Variants in TBC1D1 observed in about 807,000 individuals in gnomAD.
TBC1D1 encodes the protein TBC1 (tre-2/USP6, BUB2, cdc16) domain family, member 1.
A neutral mutation model predicts 125.6 loss-of-function variants in TBC1D1; 89 were observed. That is an observed-to-expected ratio of 0.71 (90% confidence interval 0.60 to 0.85). The LOEUF is 0.85. TBC1D1 is among the 40% of genes least tolerant of loss of function. The pLI is 0.00. For missense variants in TBC1D1, 1,377 were observed against 1,469.2 expected (o/e 0.94, Z 1.03); for synonymous variants, 565 against 564.1 (o/e 1.00, Z -0.02).
At chr4:38,105,064 G>T (rs1761074174) in intron 15 of TBC1D1, among the ~76,000 whole-genome samples, 1 of 152,006 alleles carries the variant, frequency 6.6e-6, no homozygotes, top group South Asian at 2.1e-4. Context: ...CCCACTTAAG[G>T]TTATTCTTTA....
intron 14 of TBC1D1, among the ~76,000 whole-genome samples, chr4:38,101,323 A>G (rs1760291790): frequency 6.6e-6 from 1 of 152,178 alleles, no homozygotes; most frequent in African/African-American, 2.4e-5. Flanking sequence ...CTTTCTCCCA[A>G]AAGACAAGAA....
Position 38,111,835 on chromosome 4 carries a change from G to A in TBC1D1, c.2558-3875G>A, listed in dbSNP as rs1434681124. The A allele has an allele frequency of 6.5e-6, 4 of 612,906 alleles. No homozygotes were observed. The African/African-American group carries it at 8.0e-5, about 12-fold the overall frequency. The allele number at this position is 612,906 out of a possible 1,614,324, so 38.0% of individuals were successfully genotyped here. On this transcript the variant is annotated intron_variant, in intron 15 of 19. Transcript: ENST00000261439. ...GAATTTCGTGTAAAACGTGGACTGT[G>A]TTACAAAGTCAGATGGGTGCAGTTG...
At chr4:38,070,745 G>T (rs1432080461) in intron 12 of TBC1D1, among the ~76,000 whole-genome samples, 1 of 152,214 alleles carries the variant, frequency 6.6e-6, no homozygotes, top group Admixed American at 6.5e-5. Flanking sequence ...GCAAGAAGAT[G>T]TGGTGATAGG....
Position 37,902,272 on chromosome 4 carries a change from T to G in TBC1D1, c.177T>G (p.Pro59=). The change falls in exon 2 of 20, where the codon CCT becomes CCG. Residue 59 remains proline (P), a synonymous_variant. Coordinates refer to ENST00000261439, the MANE Select transcript of TBC1D1 (RefSeq NM_015173.4). ...GCAGGCAGTCCACCAGAAAGGAACCTGTAACCAAGCAAGTCCGGCTTTGCG... is the reference window on the plus strand; with the variant it reads ...GCAGGCAGTCCACCAGAAAGGAACCGGTAACCAAGCAAGTCCGGCTTTGCG... The G allele has an allele frequency of 1.2e-6, 2 of 1,614,088 alleles. No homozygotes were observed. The highest frequency in any genetic ancestry group is 1.7e-6 in the Non-Finnish European group (2 of 1,180,022).
intron 12 of TBC1D1, among the ~76,000 whole-genome samples, chr4:38,078,818 T>C (rs770103686): frequency 6.6e-6 from 1 of 152,252 alleles, no homozygotes; most frequent in African/African-American, 2.4e-5. Context: ...CTCCACTCCC[T>C]GGCTTCCTGC....
intron 15 of TBC1D1, among the ~76,000 whole-genome samples, chr4:38,111,667 A>G (rs531418993): frequency 4.8e-4 from 73 of 152,294 alleles, no homozygotes; most frequent in Non-Finnish European, 9.1e-4. Context: ...CCTTGCACAG[A>G]TCTATAGTAG....
rs7681756 is a variant in TBC1D1 at position 38,119,894 on chromosome 4, T to C, written c.2962+1702T>C. On this transcript the variant is annotated intron_variant, in intron 17 of 19. Transcript: ENST00000261439. ...GCTGAGGGGTCATCACTGAGTCATC[T>C]CTGCCCTGGGGCCCCAGGCACTGGA... 0.012 allele frequency: 11,379 copies of C among 966,724 alleles called. 1,002 individuals are homozygous for C. The African/African-American group carries it at 0.18, about 16-fold the overall frequency. 59.9% of individuals were successfully genotyped at this position (966,724 alleles called of 1,614,324 possible).
At chr4:37,952,313 G>A (rs1443382145) in intron 2 of TBC1D1, 7 of 516,328 alleles carry the variant, frequency 1.4e-5, no homozygotes, top group South Asian at 2.2e-5. Context: ...TTGGGGAAAG[G>A]GCTGATAATC....
chr4:38,055,558 C>T (rs555682460), intron 12 of TBC1D1, among the ~76,000 whole-genome samples: 1 of 152,258 alleles, frequency 6.6e-6, no homozygotes, highest in East Asian at 1.9e-4. Flanking sequence ...GAGCCTGGCC[C>T]CTTGCTTCTT....
chr4:37,897,679 A>G (rs1446310335), intron 1 of TBC1D1, among the ~76,000 whole-genome samples: 1 of 152,214 alleles, frequency 6.6e-6, no homozygotes, highest in Non-Finnish European at 1.5e-5. Flanking sequence ...CCACTATATT[A>G]ATAACTGCAT....
intron 6 of TBC1D1, 135 bp from the exon 7 acceptor site, chr4:38,027,653 A>G: frequency 2.0e-6 from 1 of 504,174 alleles, no homozygotes; most frequent in Admixed American, 3.7e-5. Flanking sequence ...AAAATAAAAT[A>G]TTTTTTTATT....
chr4:38,133,864 G>A (rs1022972577), intron 19 of TBC1D1, among the ~76,000 whole-genome samples: 2 of 152,186 alleles, frequency 1.3e-5, no homozygotes, highest in African/African-American at 4.8e-5. Flanking sequence ...AAGCACTGAG[G>A]TGCAGCACGG....
intron 2 of TBC1D1, among the ~76,000 whole-genome samples, chr4:37,980,509 T>C (rs922443183): frequency 6.6e-6 from 1 of 152,236 alleles, no homozygotes; most frequent in Admixed American, 6.5e-5. Context: ...GCAGCAGAAC[T>C]GCCAAGTAAC....
intron 12 of TBC1D1, among the ~76,000 whole-genome samples, chr4:38,069,448 C>T (rs1181911003): frequency 6.6e-6 from 1 of 152,178 alleles, no homozygotes; most frequent in African/African-American, 2.4e-5. Flanking sequence ...AAAAAAATGA[C>T]TCAAACTAGC....
intron 13 of TBC1D1, among the ~76,000 whole-genome samples, chr4:38,093,691 T>TATC (rs1758835749): frequency 6.6e-6 from 1 of 150,752 alleles, no homozygotes; most frequent in South Asian, 2.1e-4. Flanking sequence ...GGCTAATTTT[T>TATC]ATTATTAGTA....
At chr4:38,105,350 A>G (rs1393605239) in intron 15 of TBC1D1, among the ~76,000 whole-genome samples, 1 of 152,216 alleles carries the variant, frequency 6.6e-6, no homozygotes, top group Non-Finnish European at 1.5e-5. Flanking sequence ...TAGAGTTGAG[A>G]AAATAGAAAC....
intron 2 of TBC1D1, among the ~76,000 whole-genome samples, chr4:37,920,357 T>C: frequency 6.6e-6 from 1 of 152,126 alleles, no homozygotes; most frequent in East Asian, 1.9e-4. Context: ...CCTGGGGTTC[T>C]GCAAAACCAC....
chr4:38,010,366 T>A (rs535530638), intron 2 of TBC1D1, among the ~76,000 whole-genome samples: 2 of 152,236 alleles, frequency 1.3e-5, no homozygotes, highest in African/African-American at 4.8e-5. Flanking sequence ...CTGCGATTCC[T>A]TAGTTTCTCT....
chr4:38,027,754 A>G lies in TBC1D1; in HGVS notation c.1211-34A>G, dbSNP rs751424283. The G allele has an allele frequency of 6.6e-6, 10 of 1,506,644 alleles. No individual in the cohort carries two copies. In the East Asian group the frequency reaches 2.3e-4, roughly 34 times the overall value. The allele number at this position is 1,506,644 out of a possible 1,614,324, so 93.3% of individuals were successfully genotyped here. A position where few individuals can be genotyped will look rare whatever the true frequency, so the allele number is the denominator to read the frequency against. ...TCCCTATCTCACAACTTTTATATAGAATTTTTTCATGCCTCTCTTTTTTCT... is the reference window on the plus strand; with the variant it reads ...TCCCTATCTCACAACTTTTATATAGGATTTTTTCATGCCTCTCTTTTTTCT... On this transcript the variant is annotated intron_variant, in intron 6 of 19. Coordinates refer to ENST00000261439, the MANE Select transcript of TBC1D1 (RefSeq NM_015173.4).
Sources: gnomAD v4.1 joint callset for allele counts (sites outside exome capture counted in the v4.1 genomes callset) on GRCh38, gnomAD v4.1.1 for gene constraint, MANE v1.5 for transcripts, NCBI Gene and HGNC (gene_info 2026-07-23, HGNC 2026-07-21) for gene names.